Variants in LCLAT1 observed in about 807,000 individuals in gnomAD.
The protein encoded by LCLAT1 is 1-AGP acyltransferase 8.
Under a neutral mutation model 30.7 loss-of-function variants are expected in LCLAT1, and 11 were observed. That is an observed-to-expected ratio of 0.36 (90% CI 0.23 to 0.59). The LOEUF (loss-of-function observed/expected upper bound fraction) is 0.59, where lower values mean the gene tolerates loss of function less well. Ranked by LOEUF, LCLAT1 falls within the 20% of genes least tolerant of loss-of-function variation. The pLI is 0.77. For synonymous variants in LCLAT1, 155 were observed against 151.3 expected (o/e 1.02, Z -0.18); for missense variants, 402 against 458.6 (o/e 0.88, Z 1.13).
intron 5 of LCLAT1, among the ~76,000 whole-genome samples, chr2:30,571,261 A>T (rs1351417130): frequency 3.3e-5 from 5 of 152,190 alleles, no homozygotes; most frequent in African/African-American, 1.2e-4. Flanking sequence ...AATTTGGATC[A>T]GCACACCTGA....
chr2:30,499,378 C>T (rs1385650436), intron 1 of LCLAT1, among the ~76,000 whole-genome samples: 2 of 152,158 alleles, frequency 1.3e-5, no homozygotes, highest in East Asian at 1.9e-4. Context: ...GACAGGGTTT[C>T]GCCATGTTGG....
intron 3 of LCLAT1, among the ~76,000 whole-genome samples, chr2:30,548,868 T>C (rs926914797): frequency 1.3e-5 from 2 of 152,210 alleles, no homozygotes; most frequent in Admixed American, 6.5e-5. Flanking sequence ...ACAAAGCTCA[T>C]GTGATGAGAA....
chr2:30,543,518 A>T (rs919557305), intron 3 of LCLAT1, among the ~76,000 whole-genome samples: 1 of 152,106 alleles, frequency 6.6e-6, no homozygotes, highest in East Asian at 1.9e-4. Context: ...TTTCCTCTTT[A>T]AATGATTAAA....
intron 1 of LCLAT1, among the ~76,000 whole-genome samples, chr2:30,471,510 A>G (rs1682792958): frequency 6.6e-6 from 1 of 152,176 alleles, no homozygotes; most frequent in South Asian, 2.1e-4. Flanking sequence ...GTGCCTGGCC[A>G]GTATTGTCTT....
intron 5 of LCLAT1, among the ~76,000 whole-genome samples, chr2:30,618,962 G>C (rs1274174061): frequency 6.6e-6 from 1 of 150,710 alleles, no homozygotes; most frequent in Non-Finnish European, 1.5e-5. Flanking sequence ...CTGGTAACAA[G>C]TGCTATCATG....
rs1668560825 is a variant in LCLAT1 at position 30,627,346 on chromosome 2, C to T, written c.629-12771C>T. 2.0e-5 allele frequency among the ~76,000 whole-genome samples: 3 copies of T among 152,040 alleles called. No homozygotes were observed. The East Asian group carries it at 5.8e-4, about 29-fold the overall frequency. On this transcript the variant is annotated intron_variant, in intron 5 of 5. Transcript: ENST00000379509. ...ATAAGGTTATACCCTGGTCCCCTTC[C>T]CCACTTAAGTTTCGATTTCCCAATA...
intron 1 of LCLAT1, among the ~76,000 whole-genome samples, chr2:30,465,613 C>A (rs1006961030): frequency 3.3e-5 from 5 of 152,196 alleles, no homozygotes; most frequent in African/African-American, 1.2e-4. Context: ...CTTATCTACT[C>A]TTTGCTAATC....
At chr2:30,557,284 G>A (rs1236198173) in intron 3 of LCLAT1, among the ~76,000 whole-genome samples, 22 of 21,310 alleles carry the variant, frequency 1.0e-3, no homozygotes, top group Non-Finnish European at 1.5e-3. Flanking sequence ...AGGTATGATC[G>A]TGTGTGTGTG....
chr2:30,640,945 G>A lies in LCLAT1; in HGVS notation c.*326G>A, dbSNP rs936328224. The A allele has an allele frequency of 5.4e-5, 14 of 261,088 alleles. No homozygotes were observed. Among genetic ancestry groups the A allele is most frequent in the African/African-American group, 2.3e-4 (10 of 42,846 alleles). 16.2% of individuals were successfully genotyped at this position (261,088 alleles called of 1,614,324 possible). A position where few individuals can be genotyped will look rare whatever the true frequency, so the allele number is the denominator to read the frequency against. On this transcript the variant is annotated 3_prime_UTR_variant, in exon 6 of 6. Coordinates refer to ENST00000379509, the MANE Select transcript of LCLAT1 (RefSeq NM_001002257.3). Reference sequence around the variant, plus strand: ...AAGGCCCAATCCTAACAGACTCCCCGTACCAGAGGCAGATCTGGAACTCGT... The same window carrying A: ...AAGGCCCAATCCTAACAGACTCCCCATACCAGAGGCAGATCTGGAACTCGT...
intron 1 of LCLAT1, among the ~76,000 whole-genome samples, chr2:30,470,174 G>A (rs1246703681): frequency 6.6e-6 from 1 of 152,164 alleles, no homozygotes; most frequent in African/African-American, 2.4e-5. Context: ...GCATCAGTTG[G>A]TCCACCAGAA....
At chr2:30,527,245 C>G (rs1685764989) in intron 2 of LCLAT1, among the ~76,000 whole-genome samples, 1 of 152,078 alleles carries the variant, frequency 6.6e-6, no homozygotes, top group Non-Finnish European at 1.5e-5. Context: ...GTGTTTGTTT[C>G]ATCATCTGTA....
At chr2:30,577,097 AATTAT>A (rs1666023295) in intron 5 of LCLAT1, among the ~76,000 whole-genome samples, 2 of 148,934 alleles carry the variant, frequency 1.3e-5, no homozygotes, top group East Asian at 2.0e-4. Context: ...TGTTATATAA[AATTAT>A]ATTAATATAT....
chr2:30,530,993 C>T (rs548565514), intron 2 of LCLAT1, among the ~76,000 whole-genome samples: 42 of 152,106 alleles, frequency 2.8e-4, no homozygotes, highest in Non-Finnish European at 5.3e-4. Context: ...TGGCCGGGCA[C>T]GGTGGCTCAT....
intron 1 of LCLAT1, among the ~76,000 whole-genome samples, chr2:30,460,644 A>G (rs115687313): frequency 1.5e-3 from 232 of 152,204 alleles, no homozygotes; most frequent in African/African-American, 5.3e-3. Context: ...ATCTTTTGTT[A>G]TTCATAACAA....
intron 5 of LCLAT1, among the ~76,000 whole-genome samples, 169 bp downstream of exon 5, chr2:30,568,345 A>G (rs1485573091): frequency 1.3e-5 from 2 of 151,998 alleles, no homozygotes; most frequent in Non-Finnish European, 2.9e-5. Context: ...TTTGCCATGT[A>G]TTTGTTAGAG....
intron 1 of LCLAT1, among the ~76,000 whole-genome samples, chr2:30,478,080 A>G (rs1043054707): frequency 6.6e-6 from 1 of 151,808 alleles, no homozygotes; most frequent in Admixed American, 6.6e-5. Context: ...TAAAAAAAAA[A>G]AAAAAAAAAG....
At chr2:30,558,597 CAAAA>C (rs36075365) in intron 3 of LCLAT1, among the ~76,000 whole-genome samples, 2 of 83,262 alleles carry the variant, frequency 2.4e-5, no homozygotes, top group African/African-American at 4.5e-5. Context: ...GACTTTGTCT[CAAAA>C]AAAAAAAAAA....
chr2:30,613,477 G>C (rs1667837292), intron 5 of LCLAT1, among the ~76,000 whole-genome samples: 1 of 152,000 alleles, frequency 6.6e-6, no homozygotes, highest in Non-Finnish European at 1.5e-5. Flanking sequence ...GGAAGTGTAG[G>C]GGTGGGTTGC....
intron 1 of LCLAT1, among the ~76,000 whole-genome samples, chr2:30,467,043 A>T (rs1682470959): frequency 6.6e-6 from 1 of 152,000 alleles, no homozygotes; most frequent in African/African-American, 2.4e-5. Context: ...GCACTCGTTA[A>T]CTCGTCATTT....
Sources: allele counts gnomAD v4.1 joint callset (sites outside exome capture counted in the v4.1 genomes callset), GRCh38; gene constraint gnomAD v4.1.1; transcripts MANE v1.5; gene names NCBI Gene and HGNC (gene_info 2026-07-23, HGNC 2026-07-21).